Variants in TRAF3 observed in about 807,000 individuals in gnomAD.
TRAF3 encodes the protein TNF receptor-associated factor 3.
TRAF3 carries 13 observed loss-of-function variants against 62.3 expected under a neutral mutation model. That is an observed-to-expected ratio of 0.21 (90% CI 0.14 to 0.33). The LOEUF is 0.33. TRAF3 is among the 10% of genes least tolerant of loss of function. The pLI, the probability that TRAF3 is intolerant of heterozygous loss-of-function variation, is 1.00. For missense variants in TRAF3, 440 were observed against 741.8 expected (o/e 0.59, Z 4.73); for synonymous variants, 269 against 283.4 (o/e 0.95, Z 0.51).
In TRAF3 at chr14:102,868,313, C is replaced by T. The variant is rs202050713; in HGVS notation, c.-17-1872C>T. Among the ~76,000 whole-genome samples, 5 of 152,250 alleles carry T rather than the reference C, an allele frequency of 3.3e-5. No homozygotes were observed. In the East Asian group the frequency reaches 7.7e-4, roughly 23 times the overall value. Reference sequence around the variant, plus strand: ...TAGTGCAGCAGCTACTGATGTGAGGCGGCTGGTCTAGGCAGCGGTGTTCCC... The same window carrying T: ...TAGTGCAGCAGCTACTGATGTGAGGTGGCTGGTCTAGGCAGCGGTGTTCCC... On this transcript the variant is annotated intron_variant, in intron 2 of 11. Coordinates refer to ENST00000392745, the MANE Select transcript of TRAF3 (RefSeq NM_145725.3).
At chr14:102,828,012 C>T (rs1170788524) in intron 1 of TRAF3, among the ~76,000 whole-genome samples, 1 of 152,234 alleles carries the variant, frequency 6.6e-6, no homozygotes. Flanking sequence ...TACCTGAGCC[C>T]GGAGAGGGGG....
chr14:102,835,161 T>G (rs541406357), intron 2 of TRAF3, among the ~76,000 whole-genome samples: 7 of 152,226 alleles, frequency 4.6e-5, no homozygotes, highest in African/African-American at 1.7e-4. Flanking sequence ...ACAGCCCAAA[T>G]CACTGACCAT....
At chr14:102,888,231 C>T (rs1203287379) in intron 7 of TRAF3, among the ~76,000 whole-genome samples, 4 of 152,218 alleles carry the variant, frequency 2.6e-5, no homozygotes, top group Non-Finnish European at 5.9e-5. Context: ...CTTCACACTG[C>T]GTTTCCTTGC....
At chr14:102,844,077 T>C (rs1424935173) in intron 2 of TRAF3, among the ~76,000 whole-genome samples, 1 of 152,234 alleles carries the variant, frequency 6.6e-6, no homozygotes, top group African/African-American at 2.4e-5. Flanking sequence ...CTATGACTAT[T>C]AAAAATGTTT....
At chr14:102,899,012 A>G (rs976905438) in intron 10 of TRAF3, among the ~76,000 whole-genome samples, 1 of 152,118 alleles carries the variant, frequency 6.6e-6, no homozygotes. Context: ...CGTGGCGGAG[A>G]GCAGGTTGTG....
intron 1 of TRAF3, among the ~76,000 whole-genome samples, chr14:102,816,578 TG>T (rs528820863): frequency 1.3e-3 from 201 of 152,360 alleles, no homozygotes; most frequent in African/African-American, 4.4e-3. Context: ...ACTCTTTAAT[TG>T]TAGCTGCTAG....
chr14:102,805,670 A>G (rs1898725603), intron 1 of TRAF3, among the ~76,000 whole-genome samples: 1 of 152,148 alleles, frequency 6.6e-6, no homozygotes, highest in Admixed American at 6.5e-5. Context: ...AGAATGCTCT[A>G]CCTGGCTACG....
intron 1 of TRAF3, among the ~76,000 whole-genome samples, 200 bp downstream of exon 1, chr14:102,777,875 C>T (rs2140034545): frequency 6.7e-6 from 1 of 148,724 alleles, no homozygotes; most frequent in African/African-American, 2.4e-5. Context: ...CCCAGCCGGG[C>T]TGCCTCCCGC....
chr14:102,911,355 A>T lies in TRAF3; in HGVS notation c.*5571A>T, dbSNP rs1890859515. On this transcript the variant is annotated 3_prime_UTR_variant, in exon 12 of 12. Transcript: ENST00000392745. ...TTTATTGTATATTATGTGTGGTTTT[A>T]TTTGGTATTTATTTGTGTTTTGAGG... is the stretch of plus-strand genomic sequence containing the variant. The T allele has an allele frequency of 6.6e-6, 1 of 152,138 alleles. No individual in the cohort carries two copies. Among genetic ancestry groups the T allele is most frequent in the African/African-American group, 2.4e-5 (1 of 41,430 alleles). 9.4% of individuals were successfully genotyped at this position (152,138 alleles called of 1,614,324 possible). A position where few individuals can be genotyped will look rare whatever the true frequency, so the allele number is the denominator to read the frequency against.
intron 1 of TRAF3, among the ~76,000 whole-genome samples, chr14:102,795,225 G>C (rs1365291049): frequency 6.6e-6 from 1 of 152,314 alleles, no homozygotes; most frequent in African/African-American, 2.4e-5. Flanking sequence ...GCTGATTGTT[G>C]CAACACTGAG....
At chr14:102,794,102 T>C (rs1470634785) in intron 1 of TRAF3, among the ~76,000 whole-genome samples, 1 of 152,208 alleles carries the variant, frequency 6.6e-6, no homozygotes, top group Non-Finnish European at 1.5e-5. Flanking sequence ...TTGTGCTTCT[T>C]ACATGACAAC....
intron 10 of TRAF3, among the ~76,000 whole-genome samples, chr14:102,897,823 C>T (rs553142219): frequency 1.1e-4 from 16 of 152,260 alleles, no homozygotes; most frequent in Non-Finnish European, 1.3e-4. Context: ...TCCAGTGACA[C>T]GCGCTCACCC....
chr14:102,880,356 A>G (rs1566792974), intron 6 of TRAF3, among the ~76,000 whole-genome samples: 1 of 152,228 alleles, frequency 6.6e-6, no homozygotes, highest in Non-Finnish European at 1.5e-5. Flanking sequence ...ATTTCAGTGA[A>G]TGAGACACAT....
In TRAF3 at chr14:102,903,815, A is replaced by G. The variant is rs1890437044; in HGVS notation, c.1135+386A>G. 2.1e-6 allele frequency: 1 copy of G among 476,016 alleles called. No homozygotes were observed. Among genetic ancestry groups the G allele is most frequent in the Admixed American group, 2.3e-5 (1 of 43,014 alleles). The allele number at this position is 476,016 out of a possible 1,614,324, so 29.5% of individuals were successfully genotyped here. A position where few individuals can be genotyped will look rare whatever the true frequency, so the allele number is the denominator to read the frequency against. On this transcript the variant is annotated intron_variant, in intron 11 of 11. Transcript: ENST00000392745. The surrounding 1 kb of genome is among the most constrained non-coding windows in gnomAD (Gnocchi z 6.4). ...ACCCCACTCCTAAGGGCCAGGGGGC[A>G]GCAGTCCCACCGCGCTCTGCCAGCA...
intron 2 of TRAF3, among the ~76,000 whole-genome samples, chr14:102,843,125 C>T (rs1484612529): frequency 6.6e-6 from 1 of 151,494 alleles, no homozygotes; most frequent in Non-Finnish European, 1.5e-5. Context: ...ATTGCTTGAA[C>T]CCGGGAGGCA....
At chr14:102,862,386 G>A (rs1331349357) in intron 2 of TRAF3, among the ~76,000 whole-genome samples, 1 of 135,776 alleles carries the variant, frequency 7.4e-6, no homozygotes, top group Non-Finnish European at 1.5e-5. Context: ...GGGTGACAGA[G>A]TAAGATCCCT....
intron 10 of TRAF3, among the ~76,000 whole-genome samples, chr14:102,900,633 G>T (rs1369020229): frequency 1.3e-5 from 2 of 152,242 alleles, no homozygotes; most frequent in Non-Finnish European, 2.9e-5. Context: ...GGGACAGAAG[G>T]CAGGGACGTC....
chr14:102,904,400 G>C (rs979392843), intron 11 of TRAF3, among the ~76,000 whole-genome samples: 1 of 152,218 alleles, frequency 6.6e-6, no homozygotes. Flanking sequence ...GGTATGACTG[G>C]GCATGGTGGT....
At chr14:102,808,113 G>T (rs1335350557) in intron 1 of TRAF3, among the ~76,000 whole-genome samples, 4 of 152,192 alleles carry the variant, frequency 2.6e-5, no homozygotes. Context: ...GGATGGACAG[G>T]AAGTGGGAGG....
Sources: gnomAD v4.1 joint callset for allele counts (sites outside exome capture counted in the v4.1 genomes callset) on GRCh38, gnomAD v4.1.1 for gene constraint, Gnocchi (gnomAD v3.1) non-coding constraint, MANE v1.5 for transcripts, NCBI Gene and HGNC (gene_info 2026-07-23, HGNC 2026-07-21) for gene names.